ZNF407: variants seen among roughly 807,000 people sequenced by gnomAD.
ZNF407 encodes zinc finger protein 407.
ZNF407 carries 17 observed loss-of-function variants against 131.2 expected under a neutral mutation model. That is an observed-to-expected ratio of 0.13 (90% CI 0.09 to 0.19). ZNF407 has a LOEUF of 0.19. ZNF407 is among the 10% of genes least tolerant of loss of function. The pLI, the probability that ZNF407 is intolerant of heterozygous loss-of-function variation, is 1.00. For missense variants in ZNF407, 2,681 were observed against 2,830.6 expected (o/e 0.95, Z 1.20); for synonymous variants, 1,156 against 1,062.0 (o/e 1.09, Z -1.72).
At chr18:75,040,509 G>A (rs969303358) in intron 8 of ZNF407, among the ~76,000 whole-genome samples, 6 of 152,046 alleles carry the variant, frequency 3.9e-5, no homozygotes, top group Middle Eastern at 3.2e-3. Flanking sequence ...AGTGTGTTCC[G>A]CATTTACAGT....
At chr18:74,863,270 T>TAAGTGACA (rs746987062) in intron 4 of ZNF407, among the ~76,000 whole-genome samples, 31 of 151,514 alleles carry the variant, frequency 2.0e-4, no homozygotes, top group Middle Eastern at 3.4e-3. Flanking sequence ...CTTCTGCTTG[T>TAAGTGACA]AAGTGACATT....
intron 4 of ZNF407, among the ~76,000 whole-genome samples, chr18:74,814,621 G>C (rs1970242783): frequency 6.6e-6 from 1 of 152,184 alleles, no homozygotes; most frequent in Non-Finnish European, 1.5e-5. Context: ...ATTGTGGATA[G>C]TATATGAGAA....
At chr18:74,692,714 T>A (rs1314881359) in intron 3 of ZNF407, among the ~76,000 whole-genome samples, 1 of 152,090 alleles carries the variant, frequency 6.6e-6, no homozygotes. Context: ...GAGGGTGTTT[T>A]CTTCTTCTGT....
intron 8 of ZNF407, among the ~76,000 whole-genome samples, chr18:75,019,568 A>G (rs1973082942): frequency 6.6e-6 from 1 of 151,958 alleles, no homozygotes; most frequent in African/African-American, 2.4e-5. Context: ...ACTCTTTCCC[A>G]CTCAGGGTGC....
chr18:74,781,098 A>G (rs1159088216), intron 3 of ZNF407, among the ~76,000 whole-genome samples: 1 of 152,122 alleles, frequency 6.6e-6, no homozygotes, highest in Non-Finnish European at 1.5e-5. Flanking sequence ...GCGATGACCT[A>G]GGGGCTGTGC....
chr18:75,061,113 T>C (rs1170637135), intron 8 of ZNF407, among the ~76,000 whole-genome samples: 1 of 152,182 alleles, frequency 6.6e-6, no homozygotes. Flanking sequence ...ATAAGCAAAA[T>C]GGTTGACTCT....
At chr18:74,973,064 A>T (rs1454911311) in intron 8 of ZNF407, among the ~76,000 whole-genome samples, 1 of 151,984 alleles carries the variant, frequency 6.6e-6, no homozygotes. Flanking sequence ...AACTTTTTCT[A>T]GAAGTCAGTT....
At chr18:74,758,636 G>A (rs1021359683) in intron 3 of ZNF407, among the ~76,000 whole-genome samples, 3 of 152,098 alleles carry the variant, frequency 2.0e-5, no homozygotes, top group Non-Finnish European at 4.4e-5. Context: ...TGTCACCCAG[G>A]CTGGAGTGCA....
chr18:74,626,156 G>A (rs1983776548), intron 1 of ZNF407, among the ~76,000 whole-genome samples: 1 of 152,196 alleles, frequency 6.6e-6, no homozygotes, highest in Admixed American at 6.5e-5. Flanking sequence ...AGGCATCAGG[G>A]AAATGGAGAT....
At chr18:75,028,138 G>T (rs1203458558) in intron 8 of ZNF407, among the ~76,000 whole-genome samples, 1 of 152,164 alleles carries the variant, frequency 6.6e-6, no homozygotes, top group Non-Finnish European at 1.5e-5. Flanking sequence ...ATATTTCTAG[G>T]CCTCACTCTG....
chr18:74,613,867 A>G (rs1254772508), intron 1 of ZNF407, among the ~76,000 whole-genome samples: 2 of 152,230 alleles, frequency 1.3e-5, no homozygotes, highest in Non-Finnish European at 2.9e-5. Context: ...AATAGGGAAA[A>G]GAATTGTTTA....
At chr18:74,883,513 A>G (rs1019606633) in intron 6 of ZNF407, among the ~76,000 whole-genome samples, 7 of 152,192 alleles carry the variant, frequency 4.6e-5, no homozygotes, top group East Asian at 1.9e-4. Context: ...CCTCACCGCA[A>G]TACAGACTGT....
At chr18:74,865,006 A>T (rs1970990825) in intron 4 of ZNF407, among the ~76,000 whole-genome samples, 1 of 152,218 alleles carries the variant, frequency 6.6e-6, no homozygotes, top group Non-Finnish European at 1.5e-5. Context: ...TGTCAGCTCC[A>T]TAGGGGGATG....
chr18:74,867,572 G>C (rs1203982502), intron 4 of ZNF407, among the ~76,000 whole-genome samples: 1 of 152,174 alleles, frequency 6.6e-6, no homozygotes, highest in Non-Finnish European at 1.5e-5. Context: ...TCACCAGCAT[G>C]AGTATCTGAC....
intron 8 of ZNF407, among the ~76,000 whole-genome samples, chr18:74,996,914 A>C (rs1315004660): frequency 6.6e-6 from 1 of 152,226 alleles, no homozygotes; most frequent in Admixed American, 6.5e-5. Context: ...TTTAAATAAC[A>C]GATAGTTTAA....
intron 3 of ZNF407, among the ~76,000 whole-genome samples, chr18:74,681,903 T>A (rs1599065792): frequency 6.6e-6 from 1 of 152,116 alleles, no homozygotes; most frequent in East Asian, 1.9e-4. Context: ...ATCACAAACA[T>A]TCAAAAGGGA....
chr18:74,662,554 C>A (rs1253915574), intron 3 of ZNF407, among the ~76,000 whole-genome samples: 1 of 152,054 alleles, frequency 6.6e-6, no homozygotes, highest in Non-Finnish European at 1.5e-5. Flanking sequence ...TTTATAGAAA[C>A]CTCTAATATT....
chr18:74,947,744 C>G (rs1014442433), intron 8 of ZNF407, among the ~76,000 whole-genome samples: 1 of 152,204 alleles, frequency 6.6e-6, no homozygotes, highest in African/African-American at 2.4e-5. Flanking sequence ...GTAGGCAGGA[C>G]CTGTGCGTGT....
intron 8 of ZNF407, among the ~76,000 whole-genome samples, chr18:75,019,230 AATAC>A (rs1973078970): frequency 6.6e-6 from 1 of 152,188 alleles, no homozygotes; most frequent in Admixed American, 6.5e-5. Context: ...AAAATACATA[AATAC>A]ATACAGAATA....
Sources: allele counts gnomAD v4.1 joint callset (sites outside exome capture counted in the v4.1 genomes callset), GRCh38; gene constraint gnomAD v4.1.1; transcripts MANE v1.5; gene names NCBI Gene and HGNC (gene_info 2026-07-23, HGNC 2026-07-21).